The following LSAMP variants were observed in gnomAD, a reference collection of about 807,000 sequenced individuals.
LSAMP encodes the protein limbic system associated membrane protein, also known as limbic system-associated membrane protein.
A neutral mutation model predicts 38.6 loss-of-function variants in LSAMP; 7 were observed. The observed-to-expected ratio is 0.18, with a 90% CI of 0.10 to 0.34. The LOEUF is 0.34. LSAMP is among the 10% of genes least tolerant of loss of function. LSAMP has a pLI of 1.00. For missense variants in LSAMP, 313 were observed against 420.0 expected (o/e 0.75, Z 2.23); for synonymous variants, 154 against 166.8 (o/e 0.92, Z 0.59).
chr3:116,283,624 C>A (rs2047157392), intron 1 of LSAMP, among the ~76,000 whole-genome samples: 2 of 151,822 alleles, frequency 1.3e-5, no homozygotes, highest in African/African-American at 4.8e-5. Context: ...GAGAATAATC[C>A]CAGTGAATAA....
chr3:116,140,907 G>A (rs964046427), intron 1 of LSAMP, among the ~76,000 whole-genome samples: 2 of 151,906 alleles, frequency 1.3e-5, no homozygotes, highest in African/African-American at 4.8e-5. Context: ...GAAAAGAAGA[G>A]GGAGAAGGAT....
rs973387565 is a variant in LSAMP at position 115,805,943 on chromosome 3, A to G, written c.*4374T>C. 1 of 152,188 alleles carries G rather than the reference A, an allele frequency of 6.6e-6. No individual in the cohort carries two copies. The highest frequency in any genetic ancestry group is 2.4e-5 in the African/African-American group (1 of 41,448). The allele number at this position is 152,188 out of a possible 1,614,324, so 9.4% of individuals were successfully genotyped here. A position where few individuals can be genotyped will look rare whatever the true frequency, so the allele number is the denominator to read the frequency against. ...TTCCTAAACTGCATTTTTGTTTCTT[A>G]TCTCACCATTTTTGTGGTGTGTTTC... On this transcript the variant is annotated 3_prime_UTR_variant, in exon 7 of 7. Coordinates refer to ENST00000490035, the MANE Select transcript of LSAMP (RefSeq NM_002338.5).
At chr3:116,183,511 T>G (rs1559773840) in intron 1 of LSAMP, among the ~76,000 whole-genome samples, 1 of 151,832 alleles carries the variant, frequency 6.6e-6, no homozygotes, top group Non-Finnish European at 1.5e-5. Flanking sequence ...GAAATGGGTA[T>G]GTACATCAGT....
intron 1 of LSAMP, among the ~76,000 whole-genome samples, chr3:116,438,120 G>A (rs1461258598): frequency 6.8e-6 from 1 of 147,522 alleles, no homozygotes; most frequent in African/African-American, 2.5e-5. Context: ...CAACTATATC[G>A]TAAGATACTT....
At chr3:116,159,789 C>A (rs901665965) in intron 1 of LSAMP, among the ~76,000 whole-genome samples, 1 of 152,176 alleles carries the variant, frequency 6.6e-6, no homozygotes, top group African/African-American at 2.4e-5. Context: ...ATGTTCACTG[C>A]AGCACTGTTC....
chr3:115,909,685 C>T (rs1937093202), intron 3 of LSAMP, among the ~76,000 whole-genome samples: 1 of 152,086 alleles, frequency 6.6e-6, no homozygotes, highest in Admixed American at 6.6e-5. Context: ...ATGTCTTCTT[C>T]TATTGGAGTT....
intron 1 of LSAMP, among the ~76,000 whole-genome samples, chr3:116,174,766 G>C (rs1710294317): frequency 6.6e-6 from 1 of 151,866 alleles, no homozygotes; most frequent in Admixed American, 6.6e-5. Context: ...CCAAATCATG[G>C]ACAATGACTC....
At chr3:116,062,363 G>C (rs1941608527) in intron 2 of LSAMP, among the ~76,000 whole-genome samples, 1 of 152,122 alleles carries the variant, frequency 6.6e-6, no homozygotes, top group Admixed American at 6.5e-5. Flanking sequence ...ACAAAAATTA[G>C]CCGGGCGTGG....
intron 1 of LSAMP, among the ~76,000 whole-genome samples, chr3:116,094,215 T>TA (rs1294477283): frequency 6.6e-6 from 1 of 152,126 alleles, no homozygotes; most frequent in Non-Finnish European, 1.5e-5. Flanking sequence ...CAATTAGAAA[T>TA]AAAAAAAGAA....
intron 1 of LSAMP, among the ~76,000 whole-genome samples, chr3:116,359,090 T>A (rs951237351): frequency 6.6e-6 from 1 of 152,232 alleles, no homozygotes; most frequent in African/African-American, 2.4e-5. Flanking sequence ...ATGTGGTTAC[T>A]ATAAAATATT....
At chr3:115,896,506 G>A (rs77244038) in intron 3 of LSAMP, among the ~76,000 whole-genome samples, 1 of 152,206 alleles carries the variant, frequency 6.6e-6, no homozygotes, top group East Asian at 1.9e-4. Context: ...GAAATCAGTA[G>A]CTGCAAGGCA....
intron 2 of LSAMP, among the ~76,000 whole-genome samples, chr3:116,075,161 A>G (rs1707710210): frequency 3.6e-5 from 4 of 110,018 alleles, no homozygotes; most frequent in South Asian, 2.8e-4. Flanking sequence ...TTTTTGAGAG[A>G]GAGTCTTGCT....
chr3:116,241,504 T>C (rs989413275), intron 1 of LSAMP, among the ~76,000 whole-genome samples: 1 of 152,136 alleles, frequency 6.6e-6, no homozygotes. Flanking sequence ...GAGGTGGAAG[T>C]TGCAGTGAGC....
chr3:116,283,054 C>T (rs1193059616), intron 1 of LSAMP, among the ~76,000 whole-genome samples: 1 of 152,056 alleles, frequency 6.6e-6, no homozygotes, highest in African/African-American at 2.4e-5. Context: ...TGCTCTCCCA[C>T]CTATGACAGG....
chr3:116,020,948 A>G (rs1311315082), intron 2 of LSAMP, among the ~76,000 whole-genome samples: 2 of 152,078 alleles, frequency 1.3e-5, no homozygotes, highest in East Asian at 3.9e-4. Context: ...AAACAGGAAC[A>G]TTTTCTGCTT....
chr3:116,082,574 G>A (rs1167421702), intron 2 of LSAMP, among the ~76,000 whole-genome samples: 1 of 152,084 alleles, frequency 6.6e-6, no homozygotes, highest in Non-Finnish European at 1.5e-5. Context: ...AGCTCTCTAT[G>A]GTAGAATTCT....
chr3:116,258,209 G>A (rs966093173), intron 1 of LSAMP, among the ~76,000 whole-genome samples: 1 of 152,078 alleles, frequency 6.6e-6, no homozygotes, highest in African/African-American at 2.4e-5. Flanking sequence ...AAATTGATGA[G>A]TGAATCTAAG....
Position 116,229,934 on chromosome 3 carries a change from G to T in LSAMP, c.156-143378C>A, listed in dbSNP as rs180842482. 2.1e-3 allele frequency among the ~76,000 whole-genome samples: 325 copies of T among 152,210 alleles called. 2 individuals are homozygous for T. The highest frequency in any genetic ancestry group is 0.011 in the Admixed American group (162 of 15,286). On this transcript the variant is annotated intron_variant, in intron 1 of 6. Transcript: ENST00000490035. Reference sequence around the variant, plus strand: ...TGAATTATAAGGAGATGGGGTGGTGGGTGGAAGATTATACATTTGGCATTT... The same window carrying T: ...TGAATTATAAGGAGATGGGGTGGTGTGTGGAAGATTATACATTTGGCATTT...
Position 116,268,916 on chromosome 3 carries a change from T to TAA in LSAMP, c.155+175959_155+175960dup, listed in dbSNP as rs917489485. ...CGGTGAAATAGCAGTCCAACCAGAT[T>TAA]AAAGAATCTAGGTAACATCATGTCA... On this transcript the variant is annotated intron_variant, in intron 1 of 6. Transcript: ENST00000490035. Among the ~76,000 whole-genome samples the TAA allele has an allele frequency of 6.1e-4, 93 of 152,082 alleles. 1 individual carries two copies. The highest frequency in any genetic ancestry group is 2.1e-3 in the African/African-American group (88 of 41,502).
Sources: allele counts gnomAD v4.1 joint callset (sites outside exome capture counted in the v4.1 genomes callset), GRCh38; gene constraint gnomAD v4.1.1; transcripts MANE v1.5; gene names NCBI Gene and HGNC (gene_info 2026-07-23, HGNC 2026-07-21).